ARHGAP42: variants seen among roughly 807,000 people sequenced by gnomAD.
ARHGAP42 encodes the protein Rho GTPase activating protein 42.
Under a neutral mutation model 125.0 loss-of-function variants are expected in ARHGAP42, and 63 were observed. The ratio of observed to expected loss-of-function variants is 0.50; its 90% CI spans 0.41 to 0.62. The LOEUF (loss-of-function observed/expected upper bound fraction) is 0.62, where lower values mean the gene tolerates loss of function less well. ARHGAP42 is among the 20% of genes least tolerant of loss of function. The pLI, the probability that ARHGAP42 is intolerant of heterozygous loss-of-function variation, is 0.00. For missense variants in ARHGAP42, 766 were observed against 1,024.2 expected (o/e 0.75, Z 3.44); for synonymous variants, 339 against 351.0 (o/e 0.97, Z 0.38).
intron 12 of ARHGAP42, among the ~76,000 whole-genome samples, chr11:100,958,546 C>T (rs1328478575): frequency 6.6e-6 from 1 of 151,602 alleles, no homozygotes; most frequent in East Asian, 1.9e-4. Context: ...TATATACACA[C>T]ATATATATAT....
Position 100,779,559 on chromosome 11 carries a change from TAC to T in ARHGAP42, c.250+9122_250+9123del, listed in dbSNP as rs1417402506. ...ATATACGTATATATATACATATACA[TAC>T]GTATATATACGTATATATACATATA... is the stretch of plus-strand genomic sequence containing the variant. On this transcript the variant is annotated intron_variant, in intron 2 of 23. Coordinates refer to ENST00000298815, the MANE Select transcript of ARHGAP42 (RefSeq NM_152432.4). Among the ~76,000 whole-genome samples, 5 of 144,426 alleles carry T rather than the reference TAC, an allele frequency of 3.5e-5. 1 individual carries two copies. The highest frequency in any genetic ancestry group is 6.0e-5 in the Non-Finnish European group (4 of 66,822). The allele number at this position is 144,426 out of a possible 152,430, so 94.7% of individuals were successfully genotyped here.
intron 7 of ARHGAP42, among the ~76,000 whole-genome samples, chr11:100,934,669 G>A (rs1042369034): frequency 1.3e-5 from 2 of 152,100 alleles, no homozygotes; most frequent in South Asian, 2.1e-4. Flanking sequence ...AACCCTGACT[G>A]CCAAGTACTA....
intron 1 of ARHGAP42, among the ~76,000 whole-genome samples, chr11:100,730,726 A>G (rs984458858): frequency 1.3e-5 from 2 of 151,982 alleles, no homozygotes; most frequent in Admixed American, 1.3e-4. Context: ...ATGTGTTCTT[A>G]GGTGATTTTG....
chr11:100,763,171 A>G (rs4517481), intron 1 of ARHGAP42, among the ~76,000 whole-genome samples: 39,109 of 151,086 alleles, frequency 0.26, 5,288 homozygotes, highest in Non-Finnish European at 0.29. Flanking sequence ...AGTAGAGATG[A>G]GGTTTCACCA....
At chr11:100,897,468 A>G (rs1377858334) in intron 4 of ARHGAP42, among the ~76,000 whole-genome samples, 1 of 152,180 alleles carries the variant, frequency 6.6e-6, no homozygotes, top group Non-Finnish European at 1.5e-5. Context: ...CTTCCTATCC[A>G]TGAGCATGGA....
chr11:100,914,029 G>A (rs1866999825), intron 5 of ARHGAP42, among the ~76,000 whole-genome samples: 1 of 152,130 alleles, frequency 6.6e-6, no homozygotes, highest in Non-Finnish European at 1.5e-5. Flanking sequence ...CTGCCTCCTG[G>A]GTTCAAGCAA....
At chr11:100,715,152 G>A (rs78575784) in intron 1 of ARHGAP42, among the ~76,000 whole-genome samples, 109 of 151,620 alleles carry the variant, frequency 7.2e-4, no homozygotes, top group African/African-American at 2.4e-3. Flanking sequence ...GTCTGCAGTT[G>A]GGGAATAAGG....
intron 7 of ARHGAP42, among the ~76,000 whole-genome samples, chr11:100,935,457 C>T (rs1867708052): frequency 6.6e-6 from 1 of 152,078 alleles, no homozygotes; most frequent in African/African-American, 2.4e-5. Flanking sequence ...CTTTTCTTGA[C>T]TTGTTCTATG....
At chr11:100,725,217 C>T (rs998877679) in intron 1 of ARHGAP42, among the ~76,000 whole-genome samples, 1 of 151,334 alleles carries the variant, frequency 6.6e-6, no homozygotes, top group African/African-American at 2.4e-5. Context: ...TGTAGCCAGG[C>T]CGGAATGCAG....
chr11:100,975,922 G>C, intron 19 of ARHGAP42, 135 bp from the exon 20 acceptor site: 1 of 937,902 alleles, frequency 1.1e-6, no homozygotes, highest in South Asian at 2.2e-5. Flanking sequence ...CTCCGTACTA[G>C]GTAGGGGCCT....
rs900263237 is a variant in ARHGAP42 at position 100,712,612 on chromosome 11, A to G, written c.154+24780A>G. Among the ~76,000 whole-genome samples, 6 of 152,210 alleles carry G rather than the reference A, an allele frequency of 3.9e-5. No homozygotes were observed. The East Asian group carries it at 5.8e-4, about 15-fold the overall frequency. ...GGAGGGACCTCCTGGTTGTCCTTCT[A>G]TCTGAGCTTTGCAGGTGTAATTCTC... is the stretch of plus-strand genomic sequence containing the variant. On this transcript the variant is annotated intron_variant, in intron 1 of 23. Coordinates refer to ENST00000298815, the MANE Select transcript of ARHGAP42 (RefSeq NM_152432.4).
intron 4 of ARHGAP42, among the ~76,000 whole-genome samples, chr11:100,880,685 A>G (rs1332903400): frequency 1.3e-5 from 2 of 152,194 alleles, no homozygotes; most frequent in Non-Finnish European, 1.5e-5. Context: ...TGTTTTCCAT[A>G]GTGGTTGCAC....
At chr11:100,929,990 G>T (rs1244731035) in intron 6 of ARHGAP42, among the ~76,000 whole-genome samples, 1 of 152,156 alleles carries the variant, frequency 6.6e-6, no homozygotes, top group Non-Finnish European at 1.5e-5. Flanking sequence ...TTTCCAACTG[G>T]TTGGGTTATT....
At chr11:100,877,727 G>A (rs539172610) in intron 4 of ARHGAP42, among the ~76,000 whole-genome samples, 20 of 152,144 alleles carry the variant, frequency 1.3e-4, no homozygotes, top group African/African-American at 4.8e-4. Flanking sequence ...TGTTACCAGG[G>A]TGGGCGCGGT....
chr11:100,895,404 C>T (rs188989650), intron 4 of ARHGAP42, among the ~76,000 whole-genome samples: 4 of 151,942 alleles, frequency 2.6e-5, no homozygotes, highest in African/African-American at 7.2e-5. Flanking sequence ...CCTGGGGAGT[C>T]CTACAATCTG....
chr11:100,754,624 A>G (rs1331397169), intron 1 of ARHGAP42, among the ~76,000 whole-genome samples: 1 of 152,190 alleles, frequency 6.6e-6, no homozygotes, highest in Admixed American at 6.5e-5. Context: ...TTATAGATGT[A>G]TTTTTAAAAA....
At chr11:100,895,563 G>A (rs919641101) in intron 4 of ARHGAP42, among the ~76,000 whole-genome samples, 2 of 150,472 alleles carry the variant, frequency 1.3e-5, no homozygotes, top group African/African-American at 2.4e-5. Flanking sequence ...AGCCAGCTGA[G>A]GTCATTCTGC....
At chr11:100,873,903 ACT>A (rs1432068575) in intron 4 of ARHGAP42, among the ~76,000 whole-genome samples, 27 of 152,086 alleles carry the variant, frequency 1.8e-4, no homozygotes. Context: ...TCCAGTCTTG[ACT>A]CTGCATTTCA....
intron 16 of ARHGAP42, 138 bp downstream of exon 16, chr11:100,962,605 G>T (rs1381402298): frequency 2.6e-6 from 2 of 763,672 alleles, no homozygotes; most frequent in Admixed American, 2.5e-5. Context: ...GGCCGGGTGC[G>T]GTGGCTCAAA....
Sources: gnomAD v4.1 joint callset for allele counts (sites outside exome capture counted in the v4.1 genomes callset) on GRCh38, gnomAD v4.1.1 for gene constraint, MANE v1.5 for transcripts, NCBI Gene and HGNC (gene_info 2026-07-23, HGNC 2026-07-21) for gene names.